Variants in PIAS4 observed in about 807,000 individuals in gnomAD.
PIAS4 encodes protein inhibitor of activated STAT 4.
Under a neutral mutation model 58.0 loss-of-function variants are expected in PIAS4, and 7 were observed. The observed-to-expected ratio is 0.12, with a 90% CI of 0.07 to 0.23. The LOEUF (loss-of-function observed/expected upper bound fraction) is 0.23, where lower values mean the gene tolerates loss of function less well. Among genes scored for constraint, PIAS4 ranks in the 10% least tolerant of loss-of-function variants. The pLI, the probability that PIAS4 is intolerant of heterozygous loss-of-function variation, is 1.00. For missense variants in PIAS4, 550 were observed against 709.5 expected, an observed-to-expected ratio of 0.78 and a Z score of 2.55; for synonymous variants, 364 against 312.4, an observed-to-expected ratio of 1.17 and a Z score of -1.74.
chr19:4,030,292 A>G (rs1053645913), intron 7 of PIAS4, among the ~76,000 whole-genome samples: 3 of 144,572 alleles, frequency 2.1e-5, no homozygotes, highest in Non-Finnish European at 3.1e-5. Flanking sequence ...AATGAAAACA[A>G]TTTTTTTTAA....
intron 1 of PIAS4, among the ~76,000 whole-genome samples, chr19:4,009,095 T>G (rs1221963376): frequency 6.6e-6 from 1 of 152,138 alleles, no homozygotes; most frequent in Non-Finnish European, 1.5e-5. Flanking sequence ...CCCTTAGAAG[T>G]GCCCGCAAGG....
At chr19:4,035,875 ACACACACC>A (rs2040272030) in intron 9 of PIAS4, among the ~76,000 whole-genome samples, 1 of 149,932 alleles carries the variant, frequency 6.7e-6, no homozygotes, top group African/African-American at 2.5e-5. Context: ...ACCGTCTCAC[ACACACACC>A]CGCACACATC....
At chr19:4,008,472 C>T (rs1216395930) in intron 1 of PIAS4, among the ~76,000 whole-genome samples, 2 of 152,224 alleles carry the variant, frequency 1.3e-5, no homozygotes, top group East Asian at 1.9e-4. Context: ...CCCTTCCCGA[C>T]ACCGTCTCTC....
intron 1 of PIAS4, among the ~76,000 whole-genome samples, chr19:4,008,371 C>T (rs1469958615): frequency 1.3e-5 from 2 of 152,064 alleles, no homozygotes; most frequent in Non-Finnish European, 2.9e-5. Context: ...CTGAGACCAC[C>T]CCCAAGACAC....
chr19:4,022,070 G>T (rs1378171742), intron 2 of PIAS4, among the ~76,000 whole-genome samples: 1 of 151,946 alleles, frequency 6.6e-6, no homozygotes, highest in Non-Finnish European at 1.5e-5. Flanking sequence ...TTTCAGAAAA[G>T]GTTTTAATTA....
At chr19:4,009,340 C>T (rs998077967) in intron 1 of PIAS4, among the ~76,000 whole-genome samples, 4 of 152,148 alleles carry the variant, frequency 2.6e-5, no homozygotes, top group Non-Finnish European at 5.9e-5. Flanking sequence ...AAAGTGGAGA[C>T]TCGCCCTGGA....
At chr19:4,014,290 C>A (rs1285647488) in intron 2 of PIAS4, among the ~76,000 whole-genome samples, 1 of 152,170 alleles carries the variant, frequency 6.6e-6, no homozygotes, top group Admixed American at 6.5e-5. Context: ...TGGACAGGCC[C>A]CTGGTGCCTC....
intron 2 of PIAS4, among the ~76,000 whole-genome samples, chr19:4,020,961 C>G (rs1395458873): frequency 6.6e-6 from 1 of 152,118 alleles, no homozygotes; most frequent in Non-Finnish European, 1.5e-5. Flanking sequence ...GAGTGGGATT[C>G]CTGATTCCTG....
At chr19:4,030,175 C>CGGGCAGATCA (rs1258420124) in intron 7 of PIAS4, among the ~76,000 whole-genome samples, 4 of 150,932 alleles carry the variant, frequency 2.7e-5, no homozygotes, top group Admixed American at 6.6e-5. Context: ...GTTGCCCAGG[C>CGGGCAGATCA]TGGTCGTAAA....
In PIAS4 at chr19:4,013,134, C is replaced by T. The variant is rs977840261; in HGVS notation, c.239C>T (p.Pro80Leu). The change falls in exon 2 of 11, where the codon CCC (proline) becomes CTC (leucine). Residue 80 changes from proline (P) to leucine (L), a missense_variant. Physicochemically the swap from Pro to Leu is moderately conservative, Grantham distance 98. Coordinates refer to ENST00000262971, the MANE Select transcript of PIAS4 (RefSeq NM_015897.4). This position sits in a 1 kb window ranked among gnomAD's most constrained non-coding sequence, Gnocchi z 5.1. ...GAGCCTGCCCCACAGCCGCACCGGC[C>T]CCTGGACCCCCTGACCATGCACTCC... ...NSEPAPQPHRPLDPLTMHSTY... is the reference protein window; with the variant it reads ...NSEPAPQPHRLLDPLTMHSTY... 13 of 1,613,292 alleles carry T rather than the reference C, an allele frequency of 8.1e-6. No homozygotes were observed. The highest frequency in any genetic ancestry group is 3.3e-4 in the Middle Eastern group (2 of 6,084).
chr19:4,036,722 C>T (rs989918182), intron 9 of PIAS4, among the ~76,000 whole-genome samples: 1 of 148,996 alleles, frequency 6.7e-6, no homozygotes, highest in Admixed American at 6.7e-5. Flanking sequence ...ACACACATCT[C>T]TACAGTCCAC....
At chr19:4,021,986 C>T (rs1356040503) in intron 2 of PIAS4, among the ~76,000 whole-genome samples, 1 of 151,904 alleles carries the variant, frequency 6.6e-6, no homozygotes, top group Non-Finnish European at 1.5e-5. Context: ...TGGGCTCAAG[C>T]AATCCACCCA....
At chr19:4,031,404 CG>C (rs1184149134) in intron 7 of PIAS4, among the ~76,000 whole-genome samples, 1 of 152,180 alleles carries the variant, frequency 6.6e-6, no homozygotes, top group African/African-American at 2.4e-5. Context: ...CCTCCAGGCT[CG>C]GGGATGGAGG....
In PIAS4 at chr19:4,009,800, A is replaced by T. The variant is rs1202565599; in HGVS notation, c.27+2013A>T. Among the ~76,000 whole-genome samples the T allele has an allele frequency of 2.6e-5, 4 of 151,986 alleles. No individual in the cohort carries two copies. In the East Asian group the frequency reaches 7.7e-4, roughly 29 times the overall value. ...TTGGGGTGCATCACAGACTGCTCGG[A>T]GGGGCGAATGTTGGGGGTTTGTTGG... On this transcript the variant is annotated intron_variant, in intron 1 of 10. Transcript: ENST00000262971.
At position 4,013,890 on chromosome 19, in the gene PIAS4, C is replaced by T. The variant is rs767403997; in HGVS notation, c.454+541C>T. ...TGGAGCCCTTTTTATAACCCAACCT[C>T]GGACACGCCTCGCCATCTCCCCCAC... On this transcript the variant is annotated intron_variant, in intron 2 of 10. Coordinates refer to ENST00000262971, the MANE Select transcript of PIAS4 (RefSeq NM_015897.4). The surrounding 1 kb of genome is among the most constrained non-coding windows in gnomAD (Gnocchi z 5.1). 7.2e-5 allele frequency among the ~76,000 whole-genome samples: 11 copies of T among 152,264 alleles called. No homozygotes were observed. In the Middle Eastern group the frequency reaches 0.01, roughly 141 times the overall value.
At chr19:4,028,237 C>A (rs747577365) in intron 4 of PIAS4, 50 bp downstream of exon 4, 2 of 1,472,724 alleles carry the variant, frequency 1.4e-6, no homozygotes, top group South Asian at 1.2e-5. Context: ...CAGCCACCCG[C>A]CCCTCCCCGC....
intron 1 of PIAS4, among the ~76,000 whole-genome samples, chr19:4,008,853 ATTCTC>A (rs1348873687): frequency 2.0e-5 from 3 of 149,312 alleles, no homozygotes; most frequent in African/African-American, 7.4e-5. Flanking sequence ...CTTTCTGCCT[ATTCTC>A]TTTTGTTGAT....
At chr19:4,035,504 C>T (rs1568221455) in intron 9 of PIAS4, among the ~76,000 whole-genome samples, 1 of 152,122 alleles carries the variant, frequency 6.6e-6, no homozygotes, top group African/African-American at 2.4e-5. Flanking sequence ...TAAAATGGGG[C>T]TGGTAGGACC....
rs112682350 is a variant in PIAS4 at position 4,014,334 on chromosome 19, G to T, written c.454+985G>T. On this transcript the variant is annotated intron_variant, in intron 2 of 10. Transcript: ENST00000262971. ...CCGTGGCCATTCAGGCTGCAGGTGG[G>T]CATTGAGCCCAGTCTCTGCCTCAGC... 4.1e-3 allele frequency among the ~76,000 whole-genome samples: 622 copies of T among 152,278 alleles called. 6 individuals carry two copies. The highest frequency in any genetic ancestry group is 0.015 in the East Asian group (80 of 5,178).
Sources: allele counts gnomAD v4.1 joint callset (sites outside exome capture counted in the v4.1 genomes callset), GRCh38; gene constraint gnomAD v4.1.1; non-coding constraint Gnocchi (gnomAD v3.1); transcripts MANE v1.5; gene names NCBI Gene and HGNC (gene_info 2026-07-23, HGNC 2026-07-21).